The following DLG2 variants were observed in gnomAD, a reference collection of about 807,000 sequenced individuals.
The protein encoded by DLG2 is discs large MAGUK scaffold protein 2.
DLG2 carries 45 observed loss-of-function variants against 132.5 expected under a neutral mutation model. That is an observed-to-expected ratio of 0.34 (90% CI 0.27 to 0.44). The LOEUF (loss-of-function observed/expected upper bound fraction) is 0.44. Ranked by LOEUF, DLG2 falls within the 20% of genes least tolerant of loss-of-function variation. The pLI is 1.00. For synonymous variants in DLG2, 424 were observed against 419.6 expected, an observed-to-expected ratio of 1.01 and a Z score of -0.13; for missense variants, 1,045 against 1,196.9, an observed-to-expected ratio of 0.87 and a Z score of 1.87.
intron 6 of DLG2, among the ~76,000 whole-genome samples, chr11:84,750,209 C>T (rs1179604900): frequency 6.6e-6 from 1 of 151,956 alleles, no homozygotes; most frequent in African/African-American, 2.4e-5. Context: ...GATATTCAGG[C>T]TTGTTACATA....
At chr11:84,179,024 C>T (rs2154277961) in intron 8 of DLG2, among the ~76,000 whole-genome samples, 1 of 152,142 alleles carries the variant, frequency 6.6e-6, no homozygotes, top group South Asian at 2.1e-4. Flanking sequence ...ATTTCTCAGG[C>T]ATTCCAGATG....
At chr11:84,481,730 T>C (rs965579716) in intron 7 of DLG2, among the ~76,000 whole-genome samples, 2 of 152,154 alleles carry the variant, frequency 1.3e-5, no homozygotes, top group South Asian at 2.1e-4. Context: ...AAGTCAAATA[T>C]AGCATTTTCT....
intron 3 of DLG2, among the ~76,000 whole-genome samples, chr11:85,466,756 T>G (rs1449117232): frequency 2.0e-5 from 3 of 152,336 alleles, no homozygotes; most frequent in Admixed American, 1.3e-4. Flanking sequence ...TGCCTCCAGC[T>G]TTGTTATTTT....
chr11:84,563,574 A>G (rs2099436639), intron 6 of DLG2, among the ~76,000 whole-genome samples: 1 of 152,246 alleles, frequency 6.6e-6, no homozygotes, highest in Non-Finnish European at 1.5e-5. Flanking sequence ...GCAAAATGGC[A>G]CAGCTGCCAG....
intron 8 of DLG2, among the ~76,000 whole-genome samples, chr11:84,217,925 T>C (rs1668756723): frequency 6.6e-6 from 1 of 152,158 alleles, no homozygotes; most frequent in Admixed American, 6.5e-5. Flanking sequence ...CCCAGCACTT[T>C]AGGAGGCCAA....
chr11:85,614,507 G>A (rs886527970), intron 2 of DLG2, among the ~76,000 whole-genome samples: 1 of 152,062 alleles, frequency 6.6e-6, no homozygotes, highest in African/African-American at 2.4e-5. Context: ...GAGCATGGAG[G>A]CCCATGCCTG....
intron 8 of DLG2, among the ~76,000 whole-genome samples, chr11:84,241,492 G>A (rs1054210540): frequency 6.6e-6 from 1 of 152,024 alleles, no homozygotes; most frequent in South Asian, 2.1e-4. Flanking sequence ...TAAGCAAGGC[G>A]TGTTTAACAA....
intron 4 of DLG2, among the ~76,000 whole-genome samples, chr11:85,178,450 G>A (rs1249739143): frequency 1.3e-5 from 2 of 151,762 alleles, no homozygotes; most frequent in African/African-American, 4.8e-5. Context: ...TTAAAAGAAA[G>A]CTACAGATCC....
Position 85,020,737 on chromosome 11 carries a change from T to C in DLG2, c.357+90924A>G, listed in dbSNP as rs1294425384. 5 of 634,434 alleles carry C rather than the reference T, an allele frequency of 7.9e-6. No individual in the cohort carries two copies. The African/African-American group carries it at 9.0e-5, about 11-fold the overall frequency. The allele number at this position is 634,434 out of a possible 1,614,324, so 39.3% of individuals were successfully genotyped here. ...CTAGCCATATGTGGAAAGCTGAAACTGGATAATGGGATAAGATTTCTAAAC... is the reference window on the plus strand; with the variant it reads ...CTAGCCATATGTGGAAAGCTGAAACCGGATAATGGGATAAGATTTCTAAAC... On this transcript the variant is annotated intron_variant, in intron 6 of 27. Transcript: ENST00000376104.
At chr11:84,078,156 T>C (rs1008482791) in intron 10 of DLG2, among the ~76,000 whole-genome samples, 1 of 152,148 alleles carries the variant, frequency 6.6e-6, no homozygotes, top group Admixed American at 6.5e-5. Context: ...CATGTTTCCA[T>C]AGATTAATAT....
rs539502694 is a variant in DLG2, at chr11:83,674,493, G to T, written c.1826-41168C>A. Among the ~76,000 whole-genome samples, 5 of 152,330 alleles carry T rather than the reference G, an allele frequency of 3.3e-5. No individual in the cohort carries two copies. In the East Asian group the frequency reaches 9.6e-4, roughly 29 times the overall value. On this transcript the variant is annotated intron_variant, in intron 18 of 27. Transcript: ENST00000376104. ...TTGTGCTATGGGGAAATGAAGTTAT[G>T]CCATAGTAATAATGGTACCTTTTAA...
intron 18 of DLG2, among the ~76,000 whole-genome samples, chr11:83,735,361 T>C (rs772812383): frequency 6.6e-6 from 1 of 152,238 alleles, no homozygotes; most frequent in Non-Finnish European, 1.5e-5. Context: ...ACACAGCTTC[T>C]ACTGCACAGG....
chr11:84,348,160 T>A (rs947979216), intron 7 of DLG2, among the ~76,000 whole-genome samples: 1 of 152,236 alleles, frequency 6.6e-6, no homozygotes, highest in African/African-American at 2.4e-5. Flanking sequence ...TTATAATATT[T>A]GAGCCATGTG....
At chr11:84,350,171 T>C (rs7121832) in intron 7 of DLG2, among the ~76,000 whole-genome samples, 50,716 of 135,250 alleles carry the variant, frequency 0.37, 13,684 homozygotes, top group African/African-American at 0.78. Context: ...GAGAGAGACT[T>C]CGTCCCCCCC....
intron 6 of DLG2, among the ~76,000 whole-genome samples, chr11:84,556,837 T>A (rs983250198): frequency 6.6e-6 from 1 of 152,244 alleles, no homozygotes; most frequent in Non-Finnish European, 1.5e-5. Context: ...TCTGTTCCTA[T>A]GTTAGTTTGC....
At chr11:85,601,076 A>G (rs1347517821) in intron 2 of DLG2, among the ~76,000 whole-genome samples, 1 of 152,238 alleles carries the variant, frequency 6.6e-6, no homozygotes, top group Non-Finnish European at 1.5e-5. Flanking sequence ...ATCAATGTAA[A>G]TAACTCAAGA....
rs1382101500 is a variant in DLG2 at position 84,435,824 on chromosome 11, G to C, written c.519+98746C>G. ...ATAGAGCTGCTATTTCCTACATTTGGGTCCAGGCTTGAAATAAGTGCTTCT... is the reference window on the plus strand; with the variant it reads ...ATAGAGCTGCTATTTCCTACATTTGCGTCCAGGCTTGAAATAAGTGCTTCT... On this transcript the variant is annotated intron_variant, in intron 7 of 27. Transcript: ENST00000376104. 5.9e-5 allele frequency among the ~76,000 whole-genome samples: 9 copies of C among 151,904 alleles called. 1 individual carries two copies. The highest frequency in any genetic ancestry group is 5.9e-4 in the Admixed American group (9 of 15,260).
chr11:84,615,474 A>G (rs959140990), intron 6 of DLG2, among the ~76,000 whole-genome samples: 1 of 152,066 alleles, frequency 6.6e-6, no homozygotes, highest in Admixed American at 6.6e-5. Context: ...TCTTAATTTT[A>G]GGTACACAAT....
intron 3 of DLG2, among the ~76,000 whole-genome samples, chr11:85,311,782 C>T (rs2080331198): frequency 6.6e-6 from 1 of 152,030 alleles, no homozygotes; most frequent in Admixed American, 6.6e-5. Flanking sequence ...CTATTTCACT[C>T]TACACATTCA....
Sources: allele counts gnomAD v4.1 joint callset (sites outside exome capture counted in the v4.1 genomes callset), GRCh38; gene constraint gnomAD v4.1.1; transcripts MANE v1.5; gene names NCBI Gene and HGNC (gene_info 2026-07-23, HGNC 2026-07-21).